TSHZ2: variants seen among roughly 807,000 people sequenced by gnomAD.
The protein encoded by TSHZ2 is teashirt homolog 2.
A neutral mutation model predicts 74.4 loss-of-function variants in TSHZ2; 21 were observed. That is an observed-to-expected ratio of 0.28 (90% CI 0.20 to 0.41). The LOEUF (loss-of-function observed/expected upper bound fraction) is 0.41, where lower values mean the gene tolerates loss of function less well. Among genes scored for constraint, TSHZ2 ranks in the 10% least tolerant of loss-of-function variants. The pLI is 1.00. For missense variants in TSHZ2, 1,244 were observed against 1,293.5 expected, an observed-to-expected ratio of 0.96 and a Z score of 0.59; for synonymous variants, 540 against 515.3, an observed-to-expected ratio of 1.05 and a Z score of -0.65.
chr20:53,102,464 G>A (rs1168691930), intron 1 of TSHZ2, among the ~76,000 whole-genome samples: 3 of 151,050 alleles, frequency 2.0e-5, no homozygotes, highest in Admixed American at 1.3e-4. Flanking sequence ...GAGAGGAGAG[G>A]GGAGGGAAGA....
chr20:53,323,563 CTTTTTTTTTTTTTTTTT>C (rs34687825), intron 2 of TSHZ2, among the ~76,000 whole-genome samples: 1 of 36,662 alleles, frequency 2.7e-5, no homozygotes, highest in African/African-American at 1.2e-4. Context: ...CCTTGGAGGG[CTTTTTTTTTTTTTTTTT>C]TTTTTTTTTT....
intron 1 of TSHZ2, among the ~76,000 whole-genome samples, chr20:53,167,475 C>T (rs1350009201): frequency 6.6e-6 from 1 of 152,168 alleles, no homozygotes; most frequent in East Asian, 1.9e-4. Context: ...CCCCATCACT[C>T]ATTCTCACAG....
chr20:53,449,660 C>A (rs1370867117), intron 2 of TSHZ2, among the ~76,000 whole-genome samples: 4 of 152,230 alleles, frequency 2.6e-5, no homozygotes, highest in African/African-American at 9.6e-5. Context: ...CAGAGGACTA[C>A]CTGTTCCATC....
chr20:53,295,335 C>T (rs1402294714), intron 2 of TSHZ2, among the ~76,000 whole-genome samples: 3 of 152,142 alleles, frequency 2.0e-5, no homozygotes, highest in African/African-American at 7.2e-5. Context: ...CTCTGTATGT[C>T]CGTTTTTCCT....
At chr20:53,330,886 C>T (rs1335830023) in intron 2 of TSHZ2, among the ~76,000 whole-genome samples, 1 of 152,172 alleles carries the variant, frequency 6.6e-6, no homozygotes, top group East Asian at 1.9e-4. Context: ...GGATCCTTCC[C>T]CACAAGAGCC....
intron 2 of TSHZ2, among the ~76,000 whole-genome samples, chr20:53,452,338 G>T (rs1248034497): frequency 6.6e-6 from 1 of 152,156 alleles, no homozygotes; most frequent in Non-Finnish European, 1.5e-5. Context: ...GGTGGCTCAC[G>T]CCTGTAGTCC....
intron 1 of TSHZ2, among the ~76,000 whole-genome samples, chr20:53,113,986 CAG>C (rs1359847119): frequency 6.6e-6 from 1 of 151,496 alleles, no homozygotes; most frequent in Non-Finnish European, 1.5e-5. Context: ...CTCAGCTACT[CAG>C]GGGGCTTAGG....
At position 53,417,241 on chromosome 20, in the gene TSHZ2, G is replaced by GACACAC. The variant is rs56822266; in HGVS notation, c.*9-69870_*9-69865dup. On this transcript the variant is annotated intron_variant, in intron 2 of 2. Transcript: ENST00000371497. ...CTATATACAGACACAGACACACACA[G>GACACAC]ACACACACACACACACACACACACA... Among the ~76,000 whole-genome samples, 1,252 of 138,110 alleles carry GACACAC rather than the reference G, an allele frequency of 9.1e-3. 8 individuals are homozygous for GACACAC. Among genetic ancestry groups the GACACAC allele is most frequent in the Middle Eastern group, 0.018 (5 of 274 alleles). 90.6% of individuals were successfully genotyped at this position (138,110 alleles called of 152,430 possible). A position where few individuals can be genotyped will look rare whatever the true frequency, so the allele number is the denominator to read the frequency against.
chr20:53,019,710 C>T (rs369250145), intron 1 of TSHZ2, among the ~76,000 whole-genome samples: 8 of 152,218 alleles, frequency 5.3e-5, no homozygotes, highest in South Asian at 2.1e-4. Flanking sequence ...TCCAAGCCTC[C>T]GTTCTTGTTT....
At chr20:53,075,148 C>T (rs749775271) in intron 1 of TSHZ2, among the ~76,000 whole-genome samples, 1 of 152,176 alleles carries the variant, frequency 6.6e-6, no homozygotes, top group Non-Finnish European at 1.5e-5. Context: ...ATCATTGTGA[C>T]GTGCTTGGCC....
intron 1 of TSHZ2, among the ~76,000 whole-genome samples, chr20:53,004,966 G>A (rs997175654): frequency 5.9e-5 from 9 of 152,058 alleles, no homozygotes; most frequent in Non-Finnish European, 1.0e-4. Flanking sequence ...TAATAGAATC[G>A]TGGGAGTCAT....
intron 2 of TSHZ2, among the ~76,000 whole-genome samples, chr20:53,311,649 T>G (rs1471655189): frequency 6.6e-6 from 1 of 152,220 alleles, no homozygotes; most frequent in African/African-American, 2.4e-5. Context: ...GAAAACAACT[T>G]GGCCACATGT....
intron 1 of TSHZ2, among the ~76,000 whole-genome samples, chr20:53,002,095 C>T (rs570700169): frequency 6.6e-6 from 1 of 152,274 alleles, no homozygotes; most frequent in African/African-American, 2.4e-5. Context: ...CAAGTGAGAG[C>T]CGGAACTTAT....
intron 1 of TSHZ2, among the ~76,000 whole-genome samples, chr20:53,140,864 G>C (rs1293432152): frequency 6.6e-6 from 1 of 152,204 alleles, no homozygotes; most frequent in African/African-American, 2.4e-5. Flanking sequence ...GGGGTGAGTT[G>C]AGGGACGGTG....
intron 2 of TSHZ2, among the ~76,000 whole-genome samples, chr20:53,328,005 C>T (rs1392579489): frequency 6.6e-6 from 1 of 152,208 alleles, no homozygotes; most frequent in Non-Finnish European, 1.5e-5. Flanking sequence ...AAGAGGCCAA[C>T]CAGGGCCTGA....
intron 1 of TSHZ2, among the ~76,000 whole-genome samples, chr20:53,132,411 A>G (rs6091636): frequency 0.02 from 3,016 of 151,582 alleles, 91 homozygotes; most frequent in African/African-American, 0.07. Flanking sequence ...TCCAGGTTCA[A>G]GCAATTCTCC....
intron 1 of TSHZ2, among the ~76,000 whole-genome samples, chr20:53,042,814 C>G (rs144898591): frequency 3.5e-4 from 54 of 152,128 alleles, no homozygotes; most frequent in African/African-American, 1.3e-3. Context: ...GTTATAAGTG[C>G]ATATGTTTCG....
chr20:53,060,292 G>A (rs919818742), intron 1 of TSHZ2, among the ~76,000 whole-genome samples: 1 of 152,180 alleles, frequency 6.6e-6, no homozygotes, highest in African/African-American at 2.4e-5. Context: ...GCTGTAGAAT[G>A]TATCTCCAAC....
intron 2 of TSHZ2, among the ~76,000 whole-genome samples, chr20:53,384,712 CA>C (rs1981981250): frequency 6.6e-6 from 1 of 152,184 alleles, no homozygotes; most frequent in South Asian, 2.1e-4. Flanking sequence ...TGAGATAAAG[CA>C]ATAATGATCC....
Sources: allele counts gnomAD v4.1 joint callset (sites outside exome capture counted in the v4.1 genomes callset), GRCh38; gene constraint gnomAD v4.1.1; transcripts MANE v1.5; gene names NCBI Gene and HGNC (gene_info 2026-07-23, HGNC 2026-07-21).